ERLIN2: variants seen among roughly 807,000 people sequenced by gnomAD.
ERLIN2 encodes erlin-2.
A neutral mutation model predicts 41.5 loss-of-function variants in ERLIN2; 22 were observed. The observed-to-expected ratio is 0.53, with a 90% confidence interval of 0.38 to 0.76. ERLIN2 has a LOEUF of 0.76. Among genes scored for constraint, ERLIN2 ranks in the 30% least tolerant of loss-of-function variants. ERLIN2 has a pLI of 0.00. For missense variants in ERLIN2, 247 were observed against 414.3 expected, an observed-to-expected ratio of 0.60 and a Z score of 3.51; for synonymous variants, 149 against 150.9, an observed-to-expected ratio of 0.99 and a Z score of 0.09.
In ERLIN2 at chr8:37,749,826, G is replaced by A. The variant is rs1214549035; in HGVS notation, c.531G>A (p.Glu177=). The A allele has an allele frequency of 3.7e-6, 6 of 1,614,154 alleles. No individual in the cohort carries two copies. The South Asian group carries it at 4.4e-5, about 12-fold the overall frequency. The change falls in exon 8 of 12, where the codon GAG becomes GAA. Residue 177 remains glutamate (E), a synonymous_variant. Coordinates refer to ENST00000519638, the MANE Select transcript of ERLIN2 (RefSeq NM_007175.8). ...GGGTAACAAAGCCCAACATACCAGA[G>A]GCAATCCGCAGAAACTACGAGTTGA... is the stretch of plus-strand genomic sequence containing the variant. ...AVRVTKPNIP[E]AIRRNYELME...
rs1803305579 is a variant in ERLIN2, at chr8:37,754,319, G to A, written c.*204G>A. 1 of 590,596 alleles carries A rather than the reference G, an allele frequency of 1.7e-6. No individual in the cohort carries two copies. 36.6% of individuals were successfully genotyped at this position (590,596 alleles called of 1,614,324 possible). A position where few individuals can be genotyped will look rare whatever the true frequency, so the allele number is the denominator to read the frequency against. ...TGGGGGGTTTTATTTCAGGTAAGCAGTTTATATGACTTCCAATAAGATTTG... is the reference window on the plus strand; with the variant it reads ...TGGGGGGTTTTATTTCAGGTAAGCAATTTATATGACTTCCAATAAGATTTG... On this transcript the variant is annotated 3_prime_UTR_variant, in exon 12 of 12. Transcript: ENST00000519638.
At position 37,741,348 on chromosome 8, in the gene ERLIN2, G is replaced by A. The variant is rs1802844825; in HGVS notation, c.190-424G>A. On this transcript the variant is annotated intron_variant, in intron 3 of 11. Coordinates refer to ENST00000519638, the MANE Select transcript of ERLIN2 (RefSeq NM_007175.8). The surrounding 1 kb of genome is among the most constrained non-coding windows in gnomAD (Gnocchi z 4.8). ...GTTATAATTGTTCTATTTTATTATT[G>A]TTGATCACTTACTGTACCTAATTTA... Among the ~76,000 whole-genome samples the A allele has an allele frequency of 6.6e-6, 1 of 152,064 alleles. No homozygotes were observed. The highest frequency in any genetic ancestry group is 1.5e-5 in the Non-Finnish European group (1 of 68,020).
rs376522883 is a variant in ERLIN2, at chr8:37,740,434, T to C, written c.177T>C (p.Tyr59=). Residue 59 remains tyrosine (Y), a synonymous_variant, in exon 3 of 12, where the codon TAT becomes TAC. Coordinates refer to ENST00000519638, the MANE Select transcript of ERLIN2 (RefSeq NM_007175.8). The part of the protein sequence containing the change: ...FHLMLPFITS[Y]KSVQTTLQTD... The stretch of plus-strand genomic sequence containing the variant: ...TCATGCTCCCTTTCATCACATCATA[T>C]AAGTCTGTGCAGGTATGCTTGGCCT... 1.7e-5 allele frequency: 27 copies of C among 1,612,756 alleles called. No homozygotes were observed. The African/African-American group carries it at 3.5e-4, about 21-fold the overall frequency.
In ERLIN2 at chr8:37,741,282, A is replaced by G. The variant is rs535609515; in HGVS notation, c.190-490A>G. ...TACAATAAGATATTTTGAGAGAGAG[A>G]GAGAGAGACCACCTTCAAATAACTT... is the stretch of plus-strand genomic sequence containing the variant. On this transcript the variant is annotated intron_variant, in intron 3 of 11. Transcript: ENST00000519638. This position sits in a 1 kb window ranked among gnomAD's most constrained non-coding sequence, Gnocchi z 4.8. 9.6e-4 allele frequency among the ~76,000 whole-genome samples: 146 copies of G among 152,346 alleles called. No homozygotes were observed. Among genetic ancestry groups the G allele is most frequent in the South Asian group, 4.8e-3 (23 of 4,832 alleles).
At position 37,749,946 on chromosome 8, in the gene ERLIN2, G is replaced by A. The variant is rs113106309; in HGVS notation, c.557+94G>A. Reference sequence around the variant, plus strand: ...GGTAACCAAAGCTGCCAGGCTTCTCGGTTATCCCCTTGCTGGAGGATTTGC... The same window carrying A: ...GGTAACCAAAGCTGCCAGGCTTCTCAGTTATCCCCTTGCTGGAGGATTTGC... On this transcript the variant is annotated intron_variant, in intron 8 of 11. Coordinates refer to ENST00000519638, the MANE Select transcript of ERLIN2 (RefSeq NM_007175.8). 3.6e-4 allele frequency: 394 copies of A among 1,108,134 alleles called. 1 individual carries two copies. The African/African-American group carries it at 4.1e-3, about 11-fold the overall frequency. 68.6% of individuals were successfully genotyped at this position (1,108,134 alleles called of 1,614,324 possible).
At chr8:37,736,782 C>T (rs1802657605) in intron 1 of ERLIN2, 104 bp downstream of exon 1, 1 of 985,908 alleles carries the variant, frequency 1.0e-6, no homozygotes, top group Middle Eastern at 5.2e-4. Flanking sequence ...AGCTTCTCTC[C>T]CTCAGCCGGC....
At chr8:37,746,138 C>T (rs1223163017) in intron 6 of ERLIN2, 2 of 992,644 alleles carry the variant, frequency 2.0e-6, no homozygotes, top group African/African-American at 3.5e-5. Flanking sequence ...CTAGCAAGCA[C>T]TACTTGGCTT....
intron 10 of ERLIN2, among the ~76,000 whole-genome samples, chr8:37,752,886 C>A (rs1803255591): frequency 6.6e-6 from 1 of 152,168 alleles, no homozygotes; most frequent in African/African-American, 2.4e-5. Flanking sequence ...TTAATTAGGA[C>A]CTTTTTGAAA....
intron 8 of ERLIN2, 78 bp from the exon 9 acceptor site, chr8:37,750,317 A>T: frequency 8.9e-7 from 1 of 1,121,878 alleles, no homozygotes; most frequent in Non-Finnish European, 1.3e-6. Context: ...TCTCTTCAGC[A>T]GAAGAATTCG....
At position 37,754,939 on chromosome 8, in the gene ERLIN2, C is replaced by T. The variant is rs1252940307; in HGVS notation, c.*824C>T. Reference sequence around the variant, plus strand: ...TCTTAACAGCTGCTGGAGTGGGATCCTTGTTATCTCTTAGCCACTGCAGGA... The same window carrying T: ...TCTTAACAGCTGCTGGAGTGGGATCTTTGTTATCTCTTAGCCACTGCAGGA... On this transcript the variant is annotated 3_prime_UTR_variant, in exon 12 of 12. Coordinates refer to ENST00000519638, the MANE Select transcript of ERLIN2 (RefSeq NM_007175.8). The T allele has an allele frequency of 2.0e-5, 3 of 152,364 alleles. No individual in the cohort carries two copies. Among genetic ancestry groups the T allele is most frequent in the Non-Finnish European group, 2.9e-5 (2 of 68,208 alleles). 9.4% of individuals were successfully genotyped at this position (152,364 alleles called of 1,614,324 possible).
At chr8:37,748,042 A>G in intron 6 of ERLIN2, 2 of 1,562,106 alleles carry the variant, frequency 1.3e-6, no homozygotes, top group Non-Finnish European at 1.8e-6. Flanking sequence ...TACGCAAAGA[A>G]GAGGGTCGCG....
chr8:37,744,957 G>C (rs1490819204), intron 6 of ERLIN2: 1 of 623,148 alleles, frequency 1.6e-6, no homozygotes, highest in South Asian at 1.9e-5. Flanking sequence ...GCCTCAATCA[G>C]AGGCTGGAGT....
intron 1 of ERLIN2, chr8:37,737,704 G>A (rs894170309): frequency 3.4e-6 from 2 of 579,752 alleles, no homozygotes; most frequent in African/African-American, 3.8e-5. Context: ...AGTGCGGTGG[G>A]GGCTCTAATT....
At chr8:37,745,571 C>T in intron 6 of ERLIN2, 1 of 1,613,956 alleles carries the variant, frequency 6.2e-7, no homozygotes, top group Non-Finnish European at 8.5e-7. Context: ...GACACTAGGA[C>T]TGGAAAATGA....
intron 1 of ERLIN2, 107 bp from the exon 2 acceptor site, chr8:37,737,801 G>A: frequency 7.6e-7 from 1 of 1,320,332 alleles, no homozygotes; most frequent in Non-Finnish European, 1.1e-6. Context: ...ACACCAGGCT[G>A]GATATGAGTC....
intron 6 of ERLIN2, chr8:37,745,792 T>C: frequency 2.8e-6 from 4 of 1,412,610 alleles, no homozygotes; most frequent in Non-Finnish European, 3.7e-6. Context: ...CTTTTATCTG[T>C]TTTGGATTCA....
intron 4 of ERLIN2, among the ~76,000 whole-genome samples, chr8:37,743,559 G>A (rs968196857): frequency 1.3e-5 from 2 of 152,296 alleles, no homozygotes; most frequent in Middle Eastern, 6.8e-3. Context: ...AGTCACATTG[G>A]GGGTTAGGGC....
chr8:37,746,024 C>T (rs1214318057), intron 6 of ERLIN2: 10 of 1,009,332 alleles, frequency 9.9e-6, no homozygotes, highest in African/African-American at 8.7e-5. Context: ...TTCTTACTTT[C>T]TTACAGCTAA....
intron 1 of ERLIN2, 45 bp downstream of exon 1, chr8:37,736,723 C>G: frequency 4.1e-6 from 4 of 985,650 alleles, no homozygotes; most frequent in South Asian, 4.7e-5. Context: ...GCCTAGCTGC[C>G]GCTCAGGGTC....
Sources: allele counts gnomAD v4.1 joint callset (sites outside exome capture counted in the v4.1 genomes callset), GRCh38; gene constraint gnomAD v4.1.1; non-coding constraint Gnocchi (gnomAD v3.1); transcripts MANE v1.5; gene names NCBI Gene and HGNC (gene_info 2026-07-23, HGNC 2026-07-21).